Variants in CRBN observed in about 807,000 individuals in gnomAD.
The protein encoded by CRBN is cereblon.
CRBN carries 53 observed loss-of-function variants against 62.2 expected under a neutral mutation model. The observed-to-expected ratio is 0.85, with a 90% confidence interval of 0.68 to 1.07. The LOEUF is 1.07. CRBN is among the 50% of genes least tolerant of loss of function. The pLI is 0.00. For synonymous variants in CRBN, 208 were observed against 176.1 expected (o/e 1.18, Z -1.43); for missense variants, 616 against 531.1 (o/e 1.16, Z -1.57).
At chr3:3,158,363 G>A (rs1241864686) in intron 5 of CRBN, among the ~76,000 whole-genome samples, 3 of 152,186 alleles carry the variant, frequency 2.0e-5, no homozygotes, top group African/African-American at 7.2e-5. Context: ...GACCAGTGCT[G>A]GTTCGTGGGC....
At chr3:3,169,300 T>A (rs1453764477) in intron 4 of CRBN, among the ~76,000 whole-genome samples, 1 of 152,196 alleles carries the variant, frequency 6.6e-6, no homozygotes, top group African/African-American at 2.4e-5. Context: ...GTTTTTAACA[T>A]AAGCTAGTTT....
At position 3,179,261 on chromosome 3, in the gene CRBN, A is replaced by C. The variant is rs564237050; in HGVS notation, c.67+360T>G. On this transcript the variant is annotated intron_variant, in intron 1 of 10. Transcript: ENST00000231948. The stretch of plus-strand genomic sequence containing the variant: ...ACATGTTAGCTGTCACTCTTATTAA[A>C]AGGAAGGAGACCAGCAAAAGTAACC... 2.6e-5 allele frequency among the ~76,000 whole-genome samples: 4 copies of C among 152,344 alleles called. No individual in the cohort carries two copies. The East Asian group carries it at 7.7e-4, about 29-fold the overall frequency.
rs1218379032 is a variant in CRBN at position 3,178,563 on chromosome 3, ATCTACCT to A, written c.67+1051_67+1057del. Among the ~76,000 whole-genome samples, 210 of 152,246 alleles carry A rather than the reference ATCTACCT, an allele frequency of 1.4e-3. 2 individuals carry two copies. Among genetic ancestry groups the A allele is most frequent in the African/African-American group, 4.8e-3 (200 of 41,528 alleles). ...AATATGTGCTTTTAGATGTCTCCTG[ATCTACCT>A]GAAAGGCTTTTTCCCAAATCCTCTG... On this transcript the variant is annotated intron_variant, in intron 1 of 10. Coordinates refer to ENST00000231948, the MANE Select transcript of CRBN (RefSeq NM_016302.4).
rs1004480829 is a variant in CRBN at position 3,151,064 on chromosome 3, A to G, written c.1149-19T>C. On this transcript the variant is annotated intron_variant, in intron 10 of 10. Coordinates refer to ENST00000231948, the MANE Select transcript of CRBN (RefSeq NM_016302.4). ...GGCATACCTAAGAAATTAAGGAAAG[A>G]TATCAGCTAAGGAAACATTTCTGTA... is the stretch of plus-strand genomic sequence containing the variant. The G allele has an allele frequency of 1.2e-6, 2 of 1,613,150 alleles. No homozygotes were observed. Among genetic ancestry groups the G allele is most frequent in the Middle Eastern group, 3.3e-4 (2 of 6,062 alleles).
At chr3:3,178,468 G>C (rs751820902) in intron 1 of CRBN, among the ~76,000 whole-genome samples, 14 of 152,172 alleles carry the variant, frequency 9.2e-5, no homozygotes, top group Admixed American at 6.5e-4. Context: ...CCACTGGCAA[G>C]AGATGCCAGT....
intron 7 of CRBN, 69 bp from the exon 8 acceptor site, chr3:3,154,144 A>G (rs1251160693): frequency 3.3e-6 from 3 of 895,938 alleles, no homozygotes; most frequent in African/African-American, 1.6e-5. Context: ...TACAAATCGG[A>G]TAATATCCTT....
chr3:3,173,672 TGA>T (rs1204104392), intron 3 of CRBN, among the ~76,000 whole-genome samples: 2 of 152,288 alleles, frequency 1.3e-5, no homozygotes, highest in South Asian at 2.1e-4. Flanking sequence ...CTATGAATTT[TGA>T]GAGAGAGGGA....
chr3:3,173,911 A>T, intron 3 of CRBN, 148 bp downstream of exon 3: 1 of 714,094 alleles, frequency 1.4e-6, no homozygotes, highest in Admixed American at 2.0e-5. Context: ...TGCACTATCA[A>T]ACTTCTACTT....
chr3:3,157,535 C>T (rs1706948499), intron 5 of CRBN, among the ~76,000 whole-genome samples: 3 of 152,158 alleles, frequency 2.0e-5, no homozygotes, highest in African/African-American at 7.2e-5. Context: ...TATCAAATGA[C>T]TAGGTATGTT....
Position 3,151,032 on chromosome 3 carries a change from C to T in CRBN, c.1162G>A (p.Val388Ile), listed in dbSNP as rs756414303. 78 of 1,613,730 alleles carry T rather than the reference C, an allele frequency of 4.8e-5. No individual in the cohort carries two copies. The highest frequency in any genetic ancestry group is 6.3e-5 in the Non-Finnish European group (74 of 1,179,922). The stretch of plus-strand genomic sequence containing the variant: ...CTTGCACAGATCTTACACTGGGCAA[C>T]AGTCCAGGCATACCTAAGAAATTAA... ...HSWFPGYAWT[V>I]AQCKICASHI... The change falls in exon 11 of 11, where the codon GTT becomes ATT. Residue 388 changes from valine (V) to isoleucine (I), a missense_variant. Transcript: ENST00000231948.
intron 3 of CRBN, 195 bp downstream of exon 3, chr3:3,173,864 G>A (rs2126068292): frequency 1.6e-6 from 1 of 617,198 alleles, no homozygotes; most frequent in South Asian, 1.9e-5. Context: ...GAAGAGCTGA[G>A]TTAGATGGTA....
In CRBN at chr3:3,170,326, T is replaced by C. The variant is rs939907887; in HGVS notation, c.527+2450A>G. 5.9e-5 allele frequency among the ~76,000 whole-genome samples: 9 copies of C among 152,316 alleles called. No homozygotes were observed. The East Asian group carries it at 1.7e-3, about 29-fold the overall frequency. ...AATGAAGTGTCATTTAGGTAAAAGA[T>C]GGATATTTATATTTTTTAATTTTTA... On this transcript the variant is annotated intron_variant, in intron 4 of 10. Transcript: ENST00000231948.
intron 5 of CRBN, 47 bp downstream of exon 5, chr3:3,167,587 C>T (rs201046906): frequency 1.3e-6 from 2 of 1,568,280 alleles, no homozygotes; most frequent in South Asian, 1.1e-5. Flanking sequence ...GGAAAAAAAA[C>T]AACCTGTCTT....
At chr3:3,159,859 A>T (rs1707064851) in intron 5 of CRBN, among the ~76,000 whole-genome samples, 2 of 152,216 alleles carry the variant, frequency 1.3e-5, no homozygotes, top group Admixed American at 1.3e-4. Context: ...ACAATAGGAA[A>T]GGCTCCTGTC....
At chr3:3,154,956 T>A in intron 6 of CRBN, 125 bp from the exon 7 acceptor site, 1 of 684,164 alleles carries the variant, frequency 1.5e-6, no homozygotes, top group Non-Finnish European at 2.6e-6. Context: ...TCAGTCCCAG[T>A]TTAAATGCCT....
chr3:3,153,648 C>T (rs1229064408), intron 8 of CRBN, 160 bp from the exon 9 acceptor site: 5 of 642,534 alleles, frequency 7.8e-6, no homozygotes, highest in East Asian at 2.7e-5. Context: ...AGATGGAGCA[C>T]GAAAGTCACT....
intron 1 of CRBN, among the ~76,000 whole-genome samples, chr3:3,178,856 T>C (rs148821646): frequency 2.0e-5 from 3 of 152,142 alleles, no homozygotes; most frequent in Non-Finnish European, 4.4e-5. Flanking sequence ...TTGAAAGGCA[T>C]TCCATGAAAA....
rs771609447 is a variant in CRBN at position 3,179,658 on chromosome 3, A to C, written c.30T>G (p.Ala10=). Residue 10 remains alanine, a synonymous_variant, in exon 1 of 11, where the codon GCT becomes GCG. Coordinates refer to ENST00000231948, the MANE Select transcript of CRBN (RefSeq NM_016302.4). ...GCAGGTGGTTGCCCATGTTGTGCGC[A>C]GCGTCCTGCTGATCTCCTTCGCCGG... MAGEGDQQD[A]AHNMGNHLPL... 6.2e-7 allele frequency: 1 copy of C among 1,613,194 alleles called. No individual in the cohort carries two copies. Among genetic ancestry groups the C allele is most frequent in the Non-Finnish European group, 8.5e-7 (1 of 1,179,632 alleles).
chr3:3,172,880 T>G lies in CRBN; in HGVS notation c.423A>C (p.Ile141=). The G allele has an allele frequency of 6.2e-7, 1 of 1,613,690 alleles. No homozygotes were observed. Among genetic ancestry groups the G allele is most frequent in the South Asian group, 1.1e-5 (1 of 91,080 alleles). The part of the protein sequence containing the change: ...REAQFGTTAE[I]YAYREEQDFG... ...AATCCTGTTCTTCTCGATAGGCATATATCTCTGCTGTTGTTCCAAACTGTG... is the reference window on the plus strand; with the variant it reads ...AATCCTGTTCTTCTCGATAGGCATAGATCTCTGCTGTTGTTCCAAACTGTG... Residue 141 remains isoleucine (I), a synonymous_variant, in exon 4 of 11, where the codon ATA becomes ATC. Transcript: ENST00000231948.
Sources: allele counts gnomAD v4.1 joint callset (sites outside exome capture counted in the v4.1 genomes callset), GRCh38; gene constraint gnomAD v4.1.1; transcripts MANE v1.5; gene names NCBI Gene and HGNC (gene_info 2026-07-23, HGNC 2026-07-21).